The following CILK1 variants were observed in gnomAD, a reference collection of about 807,000 sequenced individuals.
The protein encoded by CILK1 is ciliogenesis associated kinase 1.
Under a neutral mutation model 79.2 loss-of-function variants are expected in CILK1, and 47 were observed. The ratio of observed to expected loss-of-function variants is 0.59; its 90% CI spans 0.47 to 0.76. The LOEUF (loss-of-function observed/expected upper bound fraction) is 0.76. Among genes scored for constraint, CILK1 ranks in the 30% least tolerant of loss-of-function variants. The pLI is 0.00. For missense variants in CILK1, 660 were observed against 769.5 expected (o/e 0.86, Z 1.68); for synonymous variants, 266 against 275.9 (o/e 0.96, Z 0.36).
At chr6:53,050,019 C>A (rs113880563) in intron 1 of CILK1, among the ~76,000 whole-genome samples, 7 of 152,234 alleles carry the variant, frequency 4.6e-5, no homozygotes, top group African/African-American at 1.7e-4. Context: ...CTGTGCCCAG[C>A]CTCAATTGGA....
At chr6:53,009,358 G>T in intron 12 of CILK1, 81 bp downstream of exon 12, 1 of 1,388,142 alleles carries the variant, frequency 7.2e-7, no homozygotes, top group Non-Finnish European at 1.0e-6. Flanking sequence ...TCCAAAGCCC[G>T]TCCCATGACT....
chr6:53,049,644 T>C (rs1767342962), intron 1 of CILK1, among the ~76,000 whole-genome samples: 2 of 152,326 alleles, frequency 1.3e-5, no homozygotes, highest in Admixed American at 6.5e-5. Flanking sequence ...CCACTCTGCA[T>C]GCCATCCATA....
At chr6:53,021,846 G>A (rs1334166854) in intron 5 of CILK1, among the ~76,000 whole-genome samples, 1 of 151,672 alleles carries the variant, frequency 6.6e-6, no homozygotes, top group East Asian at 1.9e-4. Context: ...AGGTCCTTCA[G>A]GAGGTACCTA....
intron 5 of CILK1, among the ~76,000 whole-genome samples, chr6:53,020,427 G>A (rs989869971): frequency 4.6e-5 from 7 of 152,150 alleles, no homozygotes; most frequent in Non-Finnish European, 8.8e-5. Context: ...GCTATTATTT[G>A]TTACACATTA....
At position 53,011,762 on chromosome 6, in the gene CILK1, A is replaced by C; in HGVS notation, c.1492+7T>G. On this transcript the variant is annotated splice_region_variant and intron_variant, in intron 11 of 13. Transcript: ENST00000676107. ...TAATCAAAGTAAAGCCAAGTCATTT[A>C]TATTACCAGGCAAGTATCGAGAGTG... is the stretch of plus-strand genomic sequence containing the variant. 1 of 1,613,404 alleles carries C rather than the reference A, an allele frequency of 6.2e-7. No individual in the cohort carries two copies. Among genetic ancestry groups the C allele is most frequent in the South Asian group, 1.1e-5 (1 of 91,060 alleles).
intron 8 of CILK1, 30 bp downstream of exon 8, chr6:53,016,053 G>T: frequency 6.2e-7 from 1 of 1,606,610 alleles, no homozygotes; most frequent in South Asian, 1.1e-5. Context: ...AGTTAGATAT[G>T]AACGTTATAA....
chr6:53,046,464 A>C (rs1767080939), intron 1 of CILK1, among the ~76,000 whole-genome samples: 1 of 152,204 alleles, frequency 6.6e-6, no homozygotes, highest in African/African-American at 2.4e-5. Flanking sequence ...CTTCATTGAA[A>C]TCCAGATAGA....
At position 53,028,138 on chromosome 6, in the gene CILK1, C is replaced by T. The variant is rs556925553; in HGVS notation, c.358+2927G>A. The stretch of plus-strand genomic sequence containing the variant: ...CTCCAGCCTGGGTGACATAGCGAGA[C>T]TCCGTCTCAAAAAAAAAAAAAAAAA... On this transcript the variant is annotated intron_variant, in intron 5 of 13. Transcript: ENST00000676107. 5.7e-5 allele frequency among the ~76,000 whole-genome samples: 7 copies of T among 122,940 alleles called. No homozygotes were observed. The South Asian group carries it at 1.3e-3, about 23-fold the overall frequency. 80.7% of individuals were successfully genotyped at this position (122,940 alleles called of 152,430 possible).
At chr6:53,037,724 TTGATA>T (rs1046576066) in intron 3 of CILK1, among the ~76,000 whole-genome samples, 2 of 152,204 alleles carry the variant, frequency 1.3e-5, no homozygotes, top group African/African-American at 4.8e-5. Flanking sequence ...TTGAAATATA[TTGATA>T]TAAGTGATCC....
At chr6:53,005,389 T>G in intron 13 of CILK1, 86 bp from the exon 14 acceptor site, 1 of 1,442,852 alleles carries the variant, frequency 6.9e-7, no homozygotes, top group Non-Finnish European at 9.7e-7. Flanking sequence ...GACAAAAACA[T>G]GAGAAAATAA....
In CILK1 at chr6:53,037,823, C is replaced by G; in HGVS notation, c.156+116G>C. 1.8e-5 allele frequency: 12 copies of G among 674,518 alleles called. 1 individual carries two copies. In the South Asian group the frequency reaches 2.1e-4, roughly 12 times the overall value. 41.8% of individuals were successfully genotyped at this position (674,518 alleles called of 1,614,324 possible). On this transcript the variant is annotated intron_variant, in intron 3 of 13. Transcript: ENST00000676107. Reference sequence around the variant, plus strand: ...CAGCTGTAATGTTATCATTTGCCTCCCTTTCCAGCATTAGTGAAAAAATTC... The same window carrying G: ...CAGCTGTAATGTTATCATTTGCCTCGCTTTCCAGCATTAGTGAAAAAATTC...
intron 1 of CILK1, chr6:53,060,919 C>G (rs1397469543): frequency 6.6e-6 from 1 of 152,118 alleles, no homozygotes; most frequent in Non-Finnish European, 1.5e-5. Flanking sequence ...AAATTCAAAC[C>G]CCACAAGCGC....
At chr6:53,023,184 C>T (rs1765358280) in intron 5 of CILK1, among the ~76,000 whole-genome samples, 1 of 152,156 alleles carries the variant, frequency 6.6e-6, no homozygotes, top group Non-Finnish European at 1.5e-5. Flanking sequence ...CCACCCACCT[C>T]AGCCTCCCAA....
At chr6:53,027,083 G>T (rs1248915639) in intron 5 of CILK1, among the ~76,000 whole-genome samples, 1 of 152,216 alleles carries the variant, frequency 6.6e-6, no homozygotes, top group African/African-American at 2.4e-5. Flanking sequence ...CTTTCCTGCT[G>T]TGGAAACTTT....
At chr6:53,060,850 T>C (rs1035131899) in intron 1 of CILK1, 2 of 152,212 alleles carry the variant, frequency 1.3e-5, no homozygotes, top group African/African-American at 2.4e-5. Context: ...AAATGAAAAC[T>C]GTAACTATCA....
At chr6:53,053,877 G>A (rs749735091) in intron 1 of CILK1, among the ~76,000 whole-genome samples, 1 of 152,040 alleles carries the variant, frequency 6.6e-6, no homozygotes, top group Non-Finnish European at 1.5e-5. Context: ...GGCATCTCTT[G>A]GTCCTTGAGT....
At chr6:53,009,865 C>T (rs1764461070) in intron 11 of CILK1, among the ~76,000 whole-genome samples, 1 of 152,174 alleles carries the variant, frequency 6.6e-6, no homozygotes, top group Admixed American at 6.5e-5. Flanking sequence ...TTCCCCTTCA[C>T]AGACTACTTC....
At chr6:53,006,927 T>C (rs1764258563) in intron 12 of CILK1, among the ~76,000 whole-genome samples, 2 of 152,238 alleles carry the variant, frequency 1.3e-5, no homozygotes, top group Non-Finnish European at 2.9e-5. Context: ...TAAATATTCT[T>C]ATCCACATCA....
chr6:53,028,184 C>A (rs1765702031), intron 5 of CILK1, among the ~76,000 whole-genome samples: 1 of 150,496 alleles, frequency 6.6e-6, no homozygotes, highest in Non-Finnish European at 1.5e-5. Context: ...GGCGTGGTGG[C>A]ATGCACCTGT....
Sources: gnomAD v4.1 joint callset for allele counts (sites outside exome capture counted in the v4.1 genomes callset) on GRCh38, gnomAD v4.1.1 for gene constraint, MANE v1.5 for transcripts, NCBI Gene and HGNC (gene_info 2026-07-23, HGNC 2026-07-21) for gene names.